Variants in NTM observed in about 807,000 individuals in gnomAD.
NTM encodes IgLON family member 2.
NTM carries 13 observed loss-of-function variants against 42.1 expected under a neutral mutation model. That is an observed-to-expected ratio of 0.31 (90% confidence interval 0.20 to 0.49). NTM has a LOEUF of 0.49. Among genes scored for constraint, NTM ranks in the 20% least tolerant of loss-of-function variants. NTM has a pLI of 0.99. For synonymous variants in NTM, 187 were observed against 179.2 expected, an observed-to-expected ratio of 1.04 and a Z score of -0.35; for missense variants, 373 against 452.8, an observed-to-expected ratio of 0.82 and a Z score of 1.60.
chr11:131,871,918 C>G (rs1323122699), intron 1 of NTM, among the ~76,000 whole-genome samples: 2 of 152,206 alleles, frequency 1.3e-5, no homozygotes, highest in Non-Finnish European at 2.9e-5. Flanking sequence ...AGAGCTTCAG[C>G]CAATTTCAGT....
At chr11:131,911,087 C>T in intron 1 of NTM, 1 of 1,133,738 alleles carries the variant, frequency 8.8e-7, no homozygotes. Context: ...CACCCCGTCC[C>T]CTTCTGGTAC....
chr11:131,810,216 T>A (rs1487824009), intron 1 of NTM, among the ~76,000 whole-genome samples: 1 of 152,046 alleles, frequency 6.6e-6, no homozygotes, highest in East Asian at 1.9e-4. Flanking sequence ...CTCCACCTCC[T>A]CCTCCCACGT....
chr11:132,060,374 T>A (rs1398263401), intron 2 of NTM, among the ~76,000 whole-genome samples: 1 of 152,212 alleles, frequency 6.6e-6, no homozygotes, highest in Non-Finnish European at 1.5e-5. Context: ...TACTTTTTTT[T>A]AAAGCAAGTC....
chr11:131,922,435 C>G (rs2057364087), intron 2 of NTM, among the ~76,000 whole-genome samples: 1 of 152,350 alleles, frequency 6.6e-6, no homozygotes, highest in South Asian at 2.1e-4. Context: ...ACCCTTGACG[C>G]AAGGCCCACT....
intron 1 of NTM, chr11:131,661,258 A>G (rs114072136): frequency 0.015 from 4,571 of 303,680 alleles, 204 homozygotes; most frequent in African/African-American, 0.092. Flanking sequence ...TGAAGTTCCA[A>G]GTCAGAAAGG....
At chr11:131,749,979 G>C (rs987191790) in intron 1 of NTM, among the ~76,000 whole-genome samples, 2 of 152,200 alleles carry the variant, frequency 1.3e-5, no homozygotes, top group Non-Finnish European at 2.9e-5. Context: ...ATTGGGCAGA[G>C]TTCCTGGATG....
chr11:131,564,593 A>G (rs879460804), intron 1 of NTM, among the ~76,000 whole-genome samples: 6 of 152,164 alleles, frequency 3.9e-5, no homozygotes, highest in Non-Finnish European at 7.3e-5. Context: ...GAGTTTGGAC[A>G]TTTGTGTATA....
intron 2 of NTM, among the ~76,000 whole-genome samples, chr11:132,058,730 G>A (rs560552727): frequency 6.6e-5 from 10 of 152,170 alleles, no homozygotes; most frequent in East Asian, 1.9e-4. Context: ...TGCCTTCTTC[G>A]CTGAGTCTGA....
chr11:131,581,903 CCT>C (rs1199883865), intron 1 of NTM: 1 of 152,258 alleles, frequency 6.6e-6, no homozygotes, highest in Non-Finnish European at 1.5e-5. Context: ...CACTCTCCCC[CCT>C]CTTCTCAAGG....
chr11:131,574,414 A>G (rs2057739458), intron 1 of NTM, among the ~76,000 whole-genome samples: 1 of 152,146 alleles, frequency 6.6e-6, no homozygotes, highest in Non-Finnish European at 1.5e-5. Context: ...TTACAGAGGC[A>G]TAAATTGAGA....
rs1231566642 is a variant in NTM at position 131,498,993 on chromosome 11, A to T, written c.82+128105A>T. ...TGGCACTGCCTTCTGGGGAGGCAGC[A>T]TCACTTGGCCAAGCATCCCCCGGGA... On this transcript the variant is annotated intron_variant, in intron 1 of 8. Coordinates refer to ENST00000683400, the MANE Select transcript of NTM (RefSeq NM_001352005.2). Among the ~76,000 whole-genome samples, 3 of 152,164 alleles carry T rather than the reference A, an allele frequency of 2.0e-5. No homozygotes were observed. In the South Asian group the frequency reaches 6.2e-4, roughly 32 times the overall value.
intron 1 of NTM, among the ~76,000 whole-genome samples, chr11:131,636,119 A>G (rs1247155561): frequency 6.6e-6 from 1 of 152,004 alleles, no homozygotes; most frequent in East Asian, 1.9e-4. Flanking sequence ...TAAGCCCCTA[A>G]CCTCCTCCAT....
intron 2 of NTM, among the ~76,000 whole-genome samples, chr11:132,037,534 T>C (rs989753336): frequency 4.6e-5 from 7 of 152,214 alleles, no homozygotes; most frequent in East Asian, 3.9e-4. Context: ...ATGATTTAAG[T>C]TGACCTGCGA....
chr11:131,935,246 C>T (rs1720747849), intron 2 of NTM, among the ~76,000 whole-genome samples: 1 of 152,266 alleles, frequency 6.6e-6, no homozygotes, highest in Non-Finnish European at 1.5e-5. Context: ...ACATAATGAA[C>T]TATTTACAGC....
chr11:132,165,757 G>A (rs2075170598), intron 3 of NTM, among the ~76,000 whole-genome samples: 1 of 152,166 alleles, frequency 6.6e-6, no homozygotes, highest in African/African-American at 2.4e-5. Context: ...AGCTCTCTCT[G>A]CTTTCTCAAA....
chr11:131,906,611 C>T (rs1054142221), intron 1 of NTM, among the ~76,000 whole-genome samples: 1 of 152,178 alleles, frequency 6.6e-6, no homozygotes, highest in African/African-American at 2.4e-5. Flanking sequence ...GGGCACCTGC[C>T]TTTCGCTGCG....
intron 1 of NTM, among the ~76,000 whole-genome samples, chr11:131,492,797 A>G (rs996643351): frequency 7.9e-5 from 12 of 152,312 alleles, no homozygotes; most frequent in East Asian, 1.9e-4. Flanking sequence ...GGGAGTGAGC[A>G]CTGAGTATAC....
At chr11:131,828,286 T>C (rs1331861864) in intron 1 of NTM, among the ~76,000 whole-genome samples, 1 of 152,076 alleles carries the variant, frequency 6.6e-6, no homozygotes, top group Non-Finnish European at 1.5e-5. Flanking sequence ...CCACGACCAC[T>C]TTCACTATTA....
intron 1 of NTM, among the ~76,000 whole-genome samples, chr11:131,589,846 T>C (rs1043647766): frequency 1.3e-5 from 2 of 152,214 alleles, no homozygotes; most frequent in Non-Finnish European, 2.9e-5. Flanking sequence ...GTGAGGCTTA[T>C]ATCAGGTAAT....
Sources: allele counts gnomAD v4.1 joint callset (sites outside exome capture counted in the v4.1 genomes callset), GRCh38; gene constraint gnomAD v4.1.1; transcripts MANE v1.5; gene names NCBI Gene and HGNC (gene_info 2026-07-23, HGNC 2026-07-21).